The following EEIG1 variants were observed in gnomAD, a reference collection of about 807,000 sequenced individuals.
The protein encoded by EEIG1 is estrogen-induced osteoclastogenesis regulator 1, also known as early estrogen-induced gene 1 protein.
chr9:127,979,856 G>C, the EEIG1 span: 1 of 1,121,248 alleles, frequency 8.9e-7, no homozygotes, highest in Non-Finnish European at 1.2e-6. Context: ...GTCCTGCCTT[G>C]TGCAACCTGC....
the EEIG1 span, chr9:127,944,719 C>T: frequency 3.2e-4 from 519 of 1,612,126 alleles, no homozygotes; most frequent in African/African-American, 2.0e-4. Context: ...AGGCTGAGCG[C>T]GGCAGGGCCA....
the EEIG1 span, among the ~76,000 whole-genome samples, chr9:127,965,102 G>A: frequency 2.0e-5 from 2 of 100,790 alleles, no homozygotes; most frequent in African/African-American, 8.4e-5. Flanking sequence ...GAGCAAGACT[G>A]TCTCAAAAAA....
the EEIG1 span, among the ~76,000 whole-genome samples, chr9:127,978,203 A>G: frequency 6.6e-6 from 1 of 152,146 alleles, no homozygotes; most frequent in African/African-American, 2.4e-5. Flanking sequence ...AGATTCCTAA[A>G]TCTGAGCCTG....
the EEIG1 span, chr9:127,963,735 C>T: frequency 6.6e-6 from 1 of 152,306 alleles, no homozygotes; most frequent in Non-Finnish European, 1.5e-5. Context: ...TATCCCAAAT[C>T]GGACCGGGAC....
chr9:127,944,977 C>T, the EEIG1 span: 2 of 1,511,890 alleles, frequency 1.3e-6, no homozygotes, highest in African/African-American at 1.4e-5. Context: ...ACAATAATGC[C>T]AGTCAGCCGC....
the EEIG1 span, among the ~76,000 whole-genome samples, chr9:127,977,196 T>G: frequency 6.6e-6 from 1 of 152,156 alleles, no homozygotes; most frequent in South Asian, 2.1e-4. Context: ...GAGAGCTCAG[T>G]GTCAGTTCCT....
At chr9:127,979,580 C>T in the EEIG1 span, among the ~76,000 whole-genome samples, 2 of 152,236 alleles carry the variant, frequency 1.3e-5, no homozygotes, top group African/African-American at 4.8e-5. Flanking sequence ...CCTTCCCAGG[C>T]GCCTGGGGGT....
chr9:127,948,812 G>A, the EEIG1 span, among the ~76,000 whole-genome samples: 1 of 152,218 alleles, frequency 6.6e-6, no homozygotes. Flanking sequence ...AGGGAAGAGG[G>A]CTCATGGGGC....
chr9:127,945,202 C>T, the EEIG1 span, among the ~76,000 whole-genome samples: 6 of 152,176 alleles, frequency 3.9e-5, no homozygotes, highest in Non-Finnish European at 5.9e-5. This position sits in a 1 kb window ranked among gnomAD's most constrained non-coding sequence, Gnocchi z 6.5. Flanking sequence ...TGCTGCACGC[C>T]GGGCATGGCT....
At chr9:127,943,263 G>C in the EEIG1 span, 63 of 1,612,966 alleles carry the variant, frequency 3.9e-5, no homozygotes, top group African/African-American at 5.3e-5. Context: ...AGGTCAGCAT[G>C]TCCCCCTCGA....
the EEIG1 span, among the ~76,000 whole-genome samples, chr9:127,979,777 G>A: frequency 2.0e-5 from 3 of 152,360 alleles, no homozygotes. Flanking sequence ...CCAAGAGAAG[G>A]CTGAAAGACT....
chr9:127,942,604 G>A, the EEIG1 span: 2 of 159,270 alleles, frequency 1.3e-5, no homozygotes, highest in South Asian at 1.7e-4. Context: ...TGGCTCCCAG[G>A]AAGAGGCCGC....
the EEIG1 span, chr9:127,944,649 A>G: frequency 6.2e-7 from 1 of 1,612,526 alleles, no homozygotes; most frequent in East Asian, 2.2e-5. Context: ...AGCGTGGCAG[A>G]GCCATCGCGG....
At chr9:127,953,416 G>A in the EEIG1 span, 4 of 669,770 alleles carry the variant, frequency 6.0e-6, no homozygotes, top group Non-Finnish European at 5.3e-6. Flanking sequence ...TATATTGAGT[G>A]CAAAGACCAT....
chr9:127,980,136 A>T, the EEIG1 span: 1 of 1,612,210 alleles, frequency 6.2e-7, no homozygotes, highest in Admixed American at 1.7e-5. Flanking sequence ...CAAGAAAGCC[A>T]TGAGCGAGTT....
the EEIG1 span, among the ~76,000 whole-genome samples, chr9:127,965,872 G>A: frequency 6.6e-6 from 1 of 152,244 alleles, no homozygotes; most frequent in African/African-American, 2.4e-5. Context: ...GCTCCTGCCA[G>A]GGGTTCAGGG....
chr9:127,979,890 A>G, the EEIG1 span: 3 of 1,370,366 alleles, frequency 2.2e-6, no homozygotes, highest in African/African-American at 4.4e-5. Context: ...AATCCCCCGG[A>G]TCCTCCTCAC....
the EEIG1 span, chr9:127,943,068 G>A: frequency 1.2e-6 from 1 of 835,422 alleles, no homozygotes; most frequent in Admixed American, 1.9e-5. Flanking sequence ...GGACTGGAGT[G>A]CATGGAGGAG....
At chr9:127,967,104 G>A in the EEIG1 span, among the ~76,000 whole-genome samples, 2 of 152,220 alleles carry the variant, frequency 1.3e-5, no homozygotes, top group African/African-American at 2.4e-5. Flanking sequence ...GGGAGGGATG[G>A]TCACTGGGTC....
Sources: allele counts gnomAD v4.1 joint callset (sites outside exome capture counted in the v4.1 genomes callset), GRCh38; gene constraint gnomAD v4.1.1; non-coding constraint Gnocchi (gnomAD v3.1); transcripts MANE v1.5; gene names NCBI Gene and HGNC (gene_info 2026-07-23, HGNC 2026-07-21).